The following PCDH9 variants were observed in gnomAD, a reference collection of about 807,000 sequenced individuals.
PCDH9 encodes protocadherin 9, also known as protocadherin-9.
Under a neutral mutation model 70.6 loss-of-function variants are expected in PCDH9, and 24 were observed. That is an observed-to-expected ratio of 0.34 (90% confidence interval 0.25 to 0.48). PCDH9 has a LOEUF of 0.48. Ranked by LOEUF, PCDH9 falls within the 20% of genes least tolerant of loss-of-function variation. The pLI, the probability that PCDH9 is intolerant of heterozygous loss-of-function variation, is 0.99. For synonymous variants in PCDH9, 562 were observed against 558.5 expected, an observed-to-expected ratio of 1.01 and a Z score of -0.09; for missense variants, 1,281 against 1,503.6, an observed-to-expected ratio of 0.85 and a Z score of 2.45.
intron 2 of PCDH9, among the ~76,000 whole-genome samples, chr13:67,046,122 T>A (rs886924548): frequency 6.6e-6 from 1 of 152,138 alleles, no homozygotes; most frequent in Non-Finnish European, 1.5e-5. Flanking sequence ...TATTATAATA[T>A]GTTAAGAATG....
rs1435950468 is a variant in PCDH9, at chr13:66,649,961, T to TA, written c.3139-18551dup. Among the ~76,000 whole-genome samples, 340 of 141,154 alleles carry TA rather than the reference T, an allele frequency of 2.4e-3. 1 individual carries two copies. The highest frequency in any genetic ancestry group is 3.9e-3 in the Non-Finnish European group (251 of 64,254). 92.6% of individuals were successfully genotyped at this position (141,154 alleles called of 152,430 possible). Reference sequence around the variant, plus strand: ...TGGAAGCCTCATAGTAACCTCAAATTAAAAAAAAAACACAAACACACAACA... The same window carrying TA: ...TGGAAGCCTCATAGTAACCTCAAATTAAAAAAAAAAACACAAACACACAACA... On this transcript the variant is annotated intron_variant, in intron 3 of 4. Transcript: ENST00000377865.
At chr13:66,658,446 G>A (rs935843460) in intron 3 of PCDH9, among the ~76,000 whole-genome samples, 15 of 151,932 alleles carry the variant, frequency 9.9e-5, no homozygotes, top group Admixed American at 7.9e-4. Context: ...ATCATTTATT[G>A]GTTAATTTAC....
In PCDH9 at chr13:66,767,100, C is replaced by T. The variant is rs1053405235; in HGVS notation, c.3139-135689G>A. Among the ~76,000 whole-genome samples the T allele has an allele frequency of 2.0e-5, 3 of 151,876 alleles. No individual in the cohort carries two copies. In the East Asian group the frequency reaches 5.8e-4, roughly 29 times the overall value. On this transcript the variant is annotated intron_variant, in intron 3 of 4. Transcript: ENST00000377865. ...CTGATACAGCGTCTAAAAATATATTCGCAGTAGAAATCTACGTGAAGAAAG... is the reference window on the plus strand; with the variant it reads ...CTGATACAGCGTCTAAAAATATATTTGCAGTAGAAATCTACGTGAAGAAAG...
At chr13:66,871,266 A>G (rs914906464) in intron 3 of PCDH9, among the ~76,000 whole-genome samples, 1 of 151,688 alleles carries the variant, frequency 6.6e-6, no homozygotes, top group African/African-American at 2.4e-5. Flanking sequence ...GAGGGATAGC[A>G]TTAGGAGATA....
At chr13:66,938,024 C>A (rs2082945545) in intron 2 of PCDH9, among the ~76,000 whole-genome samples, 1 of 152,112 alleles carries the variant, frequency 6.6e-6, no homozygotes, top group African/African-American at 2.4e-5. Flanking sequence ...TTATATGGGT[C>A]AGAACTGTGC....
intron 3 of PCDH9, among the ~76,000 whole-genome samples, chr13:66,656,426 T>C (rs927711232): frequency 9.2e-5 from 14 of 152,230 alleles, no homozygotes; most frequent in Admixed American, 9.2e-4. Context: ...CCTTTTCTTC[T>C]CATTCAGGTT....
intron 3 of PCDH9, among the ~76,000 whole-genome samples, chr13:66,885,801 A>T (rs1310397214): frequency 6.6e-6 from 1 of 152,166 alleles, no homozygotes; most frequent in African/African-American, 2.4e-5. Flanking sequence ...GTAAATGGAG[A>T]TCTCTGCTGG....
At chr13:66,502,243 A>G (rs1203584368) in intron 4 of PCDH9, among the ~76,000 whole-genome samples, 4 of 152,154 alleles carry the variant, frequency 2.6e-5, no homozygotes, top group African/African-American at 9.6e-5. Context: ...TTCATTTCAC[A>G]TTAACTATCA....
At chr13:66,640,449 A>G (rs1476426963) in intron 3 of PCDH9, among the ~76,000 whole-genome samples, 1 of 152,150 alleles carries the variant, frequency 6.6e-6, no homozygotes, top group Admixed American at 6.6e-5. Context: ...TTTAGGACAT[A>G]GCCCCAATTT....
chr13:67,094,231 T>C (rs2086276460), intron 2 of PCDH9, among the ~76,000 whole-genome samples: 1 of 152,160 alleles, frequency 6.6e-6, no homozygotes, highest in Non-Finnish European at 1.5e-5. Context: ...TGAGAATACT[T>C]GGTGGACAAT....
chr13:66,669,043 C>A (rs1372483871), intron 3 of PCDH9, among the ~76,000 whole-genome samples: 4 of 152,198 alleles, frequency 2.6e-5, no homozygotes, highest in African/African-American at 9.6e-5. Context: ...TTAAATTTGA[C>A]TTGACCTCAT....
At chr13:66,401,919 C>G (rs1317364377) in intron 4 of PCDH9, among the ~76,000 whole-genome samples, 3 of 152,124 alleles carry the variant, frequency 2.0e-5, no homozygotes, top group Admixed American at 2.0e-4. Flanking sequence ...CAAGGTACCC[C>G]ACCCAACAGG....
chr13:66,617,859 C>T (rs1566458865), intron 4 of PCDH9, among the ~76,000 whole-genome samples: 2 of 152,170 alleles, frequency 1.3e-5, no homozygotes, highest in African/African-American at 2.4e-5. Flanking sequence ...CTCAGACTGC[C>T]GTTTCCACAA....
intron 3 of PCDH9, among the ~76,000 whole-genome samples, chr13:66,808,101 T>C (rs1300625292): frequency 6.6e-6 from 1 of 152,142 alleles, no homozygotes; most frequent in Non-Finnish European, 1.5e-5. Flanking sequence ...CAAGTGACCA[T>C]ACCTGAAGGA....
chr13:67,045,089 G>C (rs1594435383), intron 2 of PCDH9, among the ~76,000 whole-genome samples: 1 of 152,008 alleles, frequency 6.6e-6, no homozygotes, highest in African/African-American at 2.4e-5. Context: ...AGAATTAGGG[G>C]GACAGGACAG....
At chr13:67,039,888 T>G (rs534176552) in intron 2 of PCDH9, among the ~76,000 whole-genome samples, 1 of 152,234 alleles carries the variant, frequency 6.6e-6, no homozygotes, top group South Asian at 2.1e-4. Flanking sequence ...ACTAAGAACT[T>G]CATTTGTGGT....
At chr13:66,493,726 T>C (rs1371517707) in intron 4 of PCDH9, among the ~76,000 whole-genome samples, 1 of 152,138 alleles carries the variant, frequency 6.6e-6, no homozygotes, top group African/African-American at 2.4e-5. Flanking sequence ...TTACACTGTG[T>C]TAGGCACTGA....
rs148036822 is a variant in PCDH9 at position 66,862,047 on chromosome 13, G to A, written c.3138+41457C>T. Among the ~76,000 whole-genome samples the A allele has an allele frequency of 2.2e-3, 332 of 152,222 alleles. 2 individuals carry two copies. The highest frequency in any genetic ancestry group is 7.8e-3 in the African/African-American group (323 of 41,522). On this transcript the variant is annotated intron_variant, in intron 3 of 4. Coordinates refer to ENST00000377865, the MANE Select transcript of PCDH9 (RefSeq NM_203487.3). ...ACTTTAACAGTCTCATTTGTTGTTT[G>A]TGTCACATTGAACTTGCAGCAATAT...
chr13:67,074,079 TTATC>T (rs143697387), intron 2 of PCDH9, among the ~76,000 whole-genome samples: 16,031 of 151,466 alleles, frequency 0.11, 927 homozygotes, highest in South Asian at 0.14. Flanking sequence ...TATCTGTTTA[TTATC>T]TATCTGTCTG....
Sources: allele counts gnomAD v4.1 joint callset (sites outside exome capture counted in the v4.1 genomes callset), GRCh38; gene constraint gnomAD v4.1.1; transcripts MANE v1.5; gene names NCBI Gene and HGNC (gene_info 2026-07-23, HGNC 2026-07-21).